Variants in APBA2 observed in about 807,000 individuals in gnomAD.
APBA2 encodes the protein amyloid beta precursor protein binding family A member 2, also known as amyloid-beta A4 precursor protein-binding family A member 2.
In APBA2, 30 loss-of-function variants were observed where a neutral mutation model predicts 75.0. That is an observed-to-expected ratio of 0.40 (90% CI 0.30 to 0.54). APBA2 has a LOEUF of 0.54. APBA2 is among the 20% of genes least tolerant of loss of function. APBA2 has a pLI of 0.49. For synonymous variants in APBA2, 444 were observed against 409.6 expected, an observed-to-expected ratio of 1.08 and a Z score of -1.01; for missense variants, 801 against 1,016.1, an observed-to-expected ratio of 0.79 and a Z score of 2.88.
At chr15:28,960,170 A>AAG (rs1566844608) in intron 2 of APBA2, among the ~76,000 whole-genome samples, 3 of 144,320 alleles carry the variant, frequency 2.1e-5, no homozygotes, top group East Asian at 4.1e-4. Context: ...AAAAAAAAAG[A>AAG]CACTTTGAGA....
rs558228467 is a variant in APBA2, at chr15:29,115,401, C to G, written c.2178+1385C>G. 3.3e-5 allele frequency among the ~76,000 whole-genome samples: 5 copies of G among 152,178 alleles called. No homozygotes were observed. The East Asian group carries it at 9.7e-4, about 29-fold the overall frequency. On this transcript the variant is annotated intron_variant, in intron 14 of 14. Coordinates refer to ENST00000683413, the MANE Select transcript of APBA2 (RefSeq NM_001353788.2). ...TGGACTGGTGGGGGCAGGGGTCTGG[C>G]TCAGGAGGAGGAGGGGCCAGGCGGA...
At chr15:29,088,940 A>T (rs2043421865) in intron 6 of APBA2, among the ~76,000 whole-genome samples, 1 of 152,174 alleles carries the variant, frequency 6.6e-6, no homozygotes, top group South Asian at 2.1e-4. Context: ...CTCCCGCCTC[A>T]GCCTGGGAGG....
intron 2 of APBA2, among the ~76,000 whole-genome samples, chr15:28,992,366 G>A (rs2038281063): frequency 6.6e-6 from 1 of 152,306 alleles, no homozygotes; most frequent in East Asian, 1.9e-4. Flanking sequence ...TAGCATTTCT[G>A]CTCATTCCAG....
chr15:28,912,386 G>A (rs1424775587), intron 1 of APBA2, among the ~76,000 whole-genome samples: 2 of 152,240 alleles, frequency 1.3e-5, no homozygotes, highest in African/African-American at 4.8e-5. Context: ...TGGCCTCACT[G>A]AGGAGGAGTT....
At position 29,042,917 on chromosome 15, in the gene APBA2, G is replaced by C. The variant is rs529390442; in HGVS notation, c.-40-10928G>C. Among the ~76,000 whole-genome samples the C allele has an allele frequency of 2.3e-4, 35 of 152,230 alleles. 1 individual carries two copies. In the South Asian group the frequency reaches 7.3e-3, roughly 32 times the overall value. ...CATGTTAAGAAAAAGGTCAGTGCTG[G>C]TAACGTTCTGTGTTCAGTTGCCCTC... On this transcript the variant is annotated intron_variant, in intron 3 of 14. Transcript: ENST00000683413.
At chr15:28,980,978 T>C (rs1324039470) in intron 2 of APBA2, among the ~76,000 whole-genome samples, 1 of 152,202 alleles carries the variant, frequency 6.6e-6, no homozygotes, top group Non-Finnish European at 1.5e-5. Flanking sequence ...GATAGCTGGC[T>C]AGCCTTATGC....
At chr15:28,981,034 A>C (rs2037594805) in intron 2 of APBA2, among the ~76,000 whole-genome samples, 1 of 152,198 alleles carries the variant, frequency 6.6e-6, no homozygotes, top group Non-Finnish European at 1.5e-5. Flanking sequence ...TAAAAAATCA[A>C]CTCAGTTGGA....
chr15:28,924,157 C>G (rs2034131329), intron 2 of APBA2, among the ~76,000 whole-genome samples: 1 of 152,168 alleles, frequency 6.6e-6, no homozygotes, highest in African/African-American at 2.4e-5. Context: ...AGCCCTGGTG[C>G]TGTTGCTTTC....
chr15:29,098,171 G>A (rs1024783451), intron 8 of APBA2, among the ~76,000 whole-genome samples: 3 of 152,206 alleles, frequency 2.0e-5, no homozygotes, highest in Non-Finnish European at 2.9e-5. Context: ...ATGCCCAGCA[G>A]TGGGATTGCT....
intron 3 of APBA2, among the ~76,000 whole-genome samples, chr15:29,020,742 A>T (rs1042769665): frequency 1.3e-5 from 2 of 151,990 alleles, no homozygotes; most frequent in Non-Finnish European, 2.9e-5. Flanking sequence ...CCCGGGAGGC[A>T]GAGGTTGCAA....
At chr15:28,917,881 GC>G (rs1195290821) in intron 1 of APBA2, among the ~76,000 whole-genome samples, 3 of 152,104 alleles carry the variant, frequency 2.0e-5, no homozygotes, top group Non-Finnish European at 4.4e-5. Flanking sequence ...GGTACTGGGG[GC>G]CAGCTGGTCT....
chr15:28,903,842 G>T (rs145242630), intron 1 of APBA2, among the ~76,000 whole-genome samples: 1 of 152,292 alleles, frequency 6.6e-6, no homozygotes, highest in Non-Finnish European at 1.5e-5. Flanking sequence ...GAAGGCGGAA[G>T]ACCTACACTG....
At chr15:28,976,090 A>G (rs1444377481) in intron 2 of APBA2, among the ~76,000 whole-genome samples, 1 of 152,234 alleles carries the variant, frequency 6.6e-6, no homozygotes, top group Non-Finnish European at 1.5e-5. Context: ...ATATGTTTCT[A>G]TAGAGGTCTT....
intron 2 of APBA2, among the ~76,000 whole-genome samples, chr15:28,961,118 G>A (rs1336690628): frequency 6.6e-6 from 1 of 152,144 alleles, no homozygotes; most frequent in Non-Finnish European, 1.5e-5. Flanking sequence ...ACCGGGAAGT[G>A]ATTCATTTGC....
chr15:29,063,935 T>G (rs1025708863), intron 4 of APBA2, among the ~76,000 whole-genome samples: 3 of 152,026 alleles, frequency 2.0e-5, no homozygotes, highest in African/African-American at 7.3e-5. Flanking sequence ...CTGGAGCTGC[T>G]GGGGGTGAGG....
intron 3 of APBA2, among the ~76,000 whole-genome samples, chr15:29,005,740 T>A (rs529367750): frequency 2.0e-4 from 30 of 152,188 alleles, no homozygotes; most frequent in Non-Finnish European, 4.0e-4. Context: ...GGCAGACCCC[T>A]GTAATCCCAG....
At position 29,112,361 on chromosome 15, in the gene APBA2, G is replaced by A. The variant is rs529826282; in HGVS notation, c.2038-1515G>A. ...GGTGGCAATGCTTAGCACCCAGAGC[G>A]AGCAGTCAGATGAGATATGGGCCAG... On this transcript the variant is annotated intron_variant, in intron 13 of 14. Transcript: ENST00000683413. 7.2e-5 allele frequency among the ~76,000 whole-genome samples: 11 copies of A among 152,234 alleles called. 1 individual carries two copies. Among genetic ancestry groups the A allele is most frequent in the Admixed American group, 2.0e-4 (3 of 15,288 alleles).
At chr15:29,036,724 T>C (rs1383226242) in intron 3 of APBA2, among the ~76,000 whole-genome samples, 2 of 151,990 alleles carry the variant, frequency 1.3e-5, no homozygotes, top group African/African-American at 4.8e-5. Context: ...TGTTTAGGAG[T>C]TGTGCAGTAA....
chr15:28,897,617 CAAAAAA>C (rs370287342), intron 1 of APBA2, among the ~76,000 whole-genome samples: 1 of 78,798 alleles, frequency 1.3e-5, no homozygotes. Flanking sequence ...GATTCCGTCT[CAAAAAA>C]AAAAAAAAAA....
Sources: allele counts gnomAD v4.1 joint callset (sites outside exome capture counted in the v4.1 genomes callset), GRCh38; gene constraint gnomAD v4.1.1; transcripts MANE v1.5; gene names NCBI Gene and HGNC (gene_info 2026-07-23, HGNC 2026-07-21).